LSAMP: variants seen among roughly 807,000 people sequenced by gnomAD.
The protein encoded by LSAMP is limbic system-associated membrane protein.
In LSAMP, 7 loss-of-function variants were observed where a neutral mutation model predicts 38.6. The ratio of observed to expected loss-of-function variants is 0.18; its 90% CI spans 0.10 to 0.34. The LOEUF is 0.34. Ranked by LOEUF, LSAMP falls within the 10% of genes least tolerant of loss-of-function variation. The pLI, the probability that LSAMP is intolerant of heterozygous loss-of-function variation, is 1.00. For missense variants in LSAMP, 313 were observed against 420.0 expected, an observed-to-expected ratio of 0.75 and a Z score of 2.23; for synonymous variants, 154 against 166.8, an observed-to-expected ratio of 0.92 and a Z score of 0.59.
chr3:115,839,081 C>A (rs189271383), intron 6 of LSAMP, among the ~76,000 whole-genome samples: 1 of 152,182 alleles, frequency 6.6e-6, no homozygotes, highest in Non-Finnish European at 1.5e-5. Context: ...CATTTCTCCC[C>A]TCCTGACTCT....
At chr3:116,170,140 G>C (rs1284709417) in intron 1 of LSAMP, among the ~76,000 whole-genome samples, 5 of 152,016 alleles carry the variant, frequency 3.3e-5, no homozygotes, top group Non-Finnish European at 7.4e-5. Context: ...AAGGCAATGT[G>C]GTACAAGCCT....
intron 1 of LSAMP, among the ~76,000 whole-genome samples, chr3:116,287,053 T>C (rs1294409922): frequency 1.3e-5 from 2 of 152,164 alleles, no homozygotes; most frequent in Non-Finnish European, 2.9e-5. Flanking sequence ...TAGCCACTTA[T>C]GGATATAGCA....
intron 1 of LSAMP, among the ~76,000 whole-genome samples, chr3:116,149,778 A>G (rs1709571642): frequency 1.3e-5 from 2 of 151,932 alleles, no homozygotes; most frequent in Non-Finnish European, 2.9e-5. Flanking sequence ...TTCTTTTTTG[A>G]TGGAGCTCTT....
chr3:116,028,060 G>A (rs1940834115), intron 2 of LSAMP, among the ~76,000 whole-genome samples: 1 of 152,108 alleles, frequency 6.6e-6, no homozygotes, highest in Non-Finnish European at 1.5e-5. Flanking sequence ...CTTAAGCCCT[G>A]TTTATTTGCA....
intron 2 of LSAMP, among the ~76,000 whole-genome samples, chr3:116,032,420 A>G (rs1940947000): frequency 1.3e-5 from 2 of 152,112 alleles, no homozygotes; most frequent in African/African-American, 4.8e-5. Flanking sequence ...CTTGACTGAA[A>G]TCACAAAGCT....
chr3:116,394,452 G>A (rs2048742697), intron 1 of LSAMP, among the ~76,000 whole-genome samples: 1 of 152,116 alleles, frequency 6.6e-6, no homozygotes, highest in Admixed American at 6.5e-5. Context: ...CACACCTTGA[G>A]CCAGAGGAAA....
At chr3:116,263,189 G>A (rs964553585) in intron 1 of LSAMP, among the ~76,000 whole-genome samples, 2 of 152,044 alleles carry the variant, frequency 1.3e-5, no homozygotes, top group Non-Finnish European at 2.9e-5. Flanking sequence ...AAATAGGAAG[G>A]TGATCATAAT....
At chr3:116,054,701 C>T (rs1028296710) in intron 2 of LSAMP, among the ~76,000 whole-genome samples, 1 of 152,066 alleles carries the variant, frequency 6.6e-6, no homozygotes, top group Non-Finnish European at 1.5e-5. Context: ...AAAGTAAAAA[C>T]ATAATTTTTG....
chr3:116,164,710 A>T (rs1174901504), intron 1 of LSAMP, among the ~76,000 whole-genome samples: 1 of 111,260 alleles, frequency 9.0e-6, no homozygotes, highest in African/African-American at 2.9e-5. Context: ...ATATAATCCA[A>T]ATATATATAT....
chr3:115,989,878 A>G (rs1939618067), intron 3 of LSAMP, among the ~76,000 whole-genome samples: 1 of 152,086 alleles, frequency 6.6e-6, no homozygotes, highest in South Asian at 2.1e-4. Context: ...AGTGAGTTAG[A>G]GTAACTCAGA....
rs115174424 is a variant in LSAMP, at chr3:115,829,368, C to A, written c.919+12477G>T. ...TCAGAAGGAAATCAGACTATTGTTC[C>A]CATAAACGAGCCAGGGAATTAGGTA... On this transcript the variant is annotated intron_variant, in intron 6 of 6. Transcript: ENST00000490035. Among the ~76,000 whole-genome samples, 1,006 of 152,152 alleles carry A rather than the reference C, an allele frequency of 6.6e-3. 16 individuals carry two copies. Among genetic ancestry groups the A allele is most frequent in the African/African-American group, 0.023 (938 of 41,498 alleles).
chr3:116,045,764 G>T (rs1941276887), intron 2 of LSAMP, among the ~76,000 whole-genome samples: 1 of 152,258 alleles, frequency 6.6e-6, no homozygotes. Flanking sequence ...CTTGTTTTAA[G>T]AATGTTTTAT....
At position 115,805,208 on chromosome 3, in the gene LSAMP, T is replaced by C. The variant is rs575724060; in HGVS notation, c.*5109A>G. On this transcript the variant is annotated 3_prime_UTR_variant, in exon 7 of 7. Coordinates refer to ENST00000490035, the MANE Select transcript of LSAMP (RefSeq NM_002338.5). Reference sequence around the variant, plus strand: ...TCGGGTGAGACAACTACAGCAACAGTTGGGACAATCTCCACTTAGATCCTG... The same window carrying C: ...TCGGGTGAGACAACTACAGCAACAGCTGGGACAATCTCCACTTAGATCCTG... 1.3e-5 allele frequency: 2 copies of C among 152,256 alleles called. No individual in the cohort carries two copies. The highest frequency in any genetic ancestry group is 4.8e-5 in the African/African-American group (2 of 41,554). 9.4% of individuals were successfully genotyped at this position (152,256 alleles called of 1,614,324 possible).
chr3:116,266,555 T>C (rs1282995584), intron 1 of LSAMP, among the ~76,000 whole-genome samples: 1 of 152,144 alleles, frequency 6.6e-6, no homozygotes, highest in Non-Finnish European at 1.5e-5. Context: ...TTTATTATTA[T>C]TTCTGGTAGG....
intron 3 of LSAMP, among the ~76,000 whole-genome samples, chr3:115,861,824 T>G (rs1203097163): frequency 6.6e-6 from 1 of 150,526 alleles, no homozygotes; most frequent in Non-Finnish European, 1.5e-5. Flanking sequence ...AGATTTTAGC[T>G]AACTGTGGAT....
intron 2 of LSAMP, among the ~76,000 whole-genome samples, chr3:116,055,635 C>T (rs1233464875): frequency 6.6e-6 from 1 of 152,156 alleles, no homozygotes; most frequent in East Asian, 1.9e-4. Context: ...CTCTTTGGAA[C>T]TCATTGCAAA....
At chr3:116,301,236 A>G (rs2047404528) in intron 1 of LSAMP, among the ~76,000 whole-genome samples, 2 of 152,162 alleles carry the variant, frequency 1.3e-5, no homozygotes, top group African/African-American at 4.8e-5. Flanking sequence ...CACCTAAAGT[A>G]TTTTACCAAG....
chr3:116,336,491 G>A (rs899130814), intron 1 of LSAMP, among the ~76,000 whole-genome samples: 10 of 151,892 alleles, frequency 6.6e-5, no homozygotes, highest in African/African-American at 1.2e-4. Flanking sequence ...TAATAAGCAC[G>A]TGAAAAGATG....
intron 1 of LSAMP, among the ~76,000 whole-genome samples, chr3:116,338,840 T>A (rs187929680): frequency 7.3e-4 from 111 of 152,172 alleles, no homozygotes; most frequent in Non-Finnish European, 1.5e-3. Context: ...CACCCCAAGG[T>A]GGCACTTCTG....
Sources: gnomAD v4.1 joint callset for allele counts (sites outside exome capture counted in the v4.1 genomes callset) on GRCh38, gnomAD v4.1.1 for gene constraint, MANE v1.5 for transcripts, NCBI Gene and HGNC (gene_info 2026-07-23, HGNC 2026-07-21) for gene names.